Variants in NUMA1 observed in about 807,000 individuals in gnomAD.
NUMA1 encodes the protein nuclear mitotic apparatus protein 1.
NUMA1 carries 62 observed loss-of-function variants against 237.1 expected under a neutral mutation model. The observed-to-expected ratio is 0.26, with a 90% CI of 0.21 to 0.32. NUMA1 has a LOEUF of 0.32. NUMA1 is among the 10% of genes least tolerant of loss of function. The probability of loss-of-function intolerance (pLI) is 1.00; values close to 1 mark genes in which losing one functional copy is unlikely to be tolerated. For synonymous variants in NUMA1, 1,028 were observed against 1,066.1 expected (o/e 0.96, Z 0.70); for missense variants, 2,533 against 2,666.5 (o/e 0.95, Z 1.10).
rs770180185 is a variant in NUMA1 at position 72,022,380 on chromosome 11, T to G, written c.331A>C (p.Lys111Gln). ...LLLYHSTMSSKSPRDWEQFEY... is the reference protein window; with the variant it reads ...LLLYHSTMSSQSPRDWEQFEY... ...AACTGTTCCCAGTCCCTGGGACTTTTGGAGCTCATGGTAGAGTGGTATAAG... is the reference window on the plus strand; with the variant it reads ...AACTGTTCCCAGTCCCTGGGACTTTGGGAGCTCATGGTAGAGTGGTATAAG... Residue 111 changes from lysine to glutamine, a missense_variant, in exon 7 of 27, where the codon AAA (lysine) becomes CAA (glutamine). Physicochemically the swap from Lys to Gln is moderately conservative, Grantham distance 53. This residue lies in a region of NUMA1 where 1,414 missense variants were observed against 1,508.1 expected (regional missense o/e 0.94). Coordinates refer to ENST00000393695, the MANE Select transcript of NUMA1 (RefSeq NM_006185.4). 1 of 1,613,904 alleles carries G rather than the reference T, an allele frequency of 6.2e-7. No individual in the cohort carries two copies. The highest frequency in any genetic ancestry group is 1.1e-5 in the South Asian group (1 of 91,054).
At chr11:72,077,348 A>ACAAAC (rs1943756994) in intron 1 of NUMA1, among the ~76,000 whole-genome samples, 1 of 152,222 alleles carries the variant, frequency 6.6e-6, no homozygotes, top group African/African-American at 2.4e-5. Context: ...GACAGCAAAG[A>ACAAAC]AGATCTTAAA....
Position 72,013,882 on chromosome 11 carries a change from A to C in NUMA1, c.3621T>G (p.Asp1207Glu), listed in dbSNP as rs200440885. 1 of 1,613,586 alleles carries C rather than the reference A, an allele frequency of 6.2e-7. No individual in the cohort carries two copies. ...CCCGGGCCACCTGGGCCTTCCACTC[A>C]TCTTCAGCCTTGCTGTGGTCTTGTA... ...TKVQDHSKAE[D>E]EWKAQVARGR... The change falls in exon 15 of 27, where the codon GAT (aspartate) becomes GAG (glutamate). Residue 1207 changes from aspartate to glutamate, a missense_variant. Transcript: ENST00000393695. This position sits in a 1 kb window ranked among gnomAD's most constrained non-coding sequence, Gnocchi z 6.8.
intron 2 of NUMA1, among the ~76,000 whole-genome samples, chr11:72,036,468 G>A (rs1016471922): frequency 2.0e-5 from 3 of 152,222 alleles, no homozygotes; most frequent in African/African-American, 7.2e-5. Context: ...ATAGTACGGT[G>A]CCTGGCACAT....
rs114543390 is a variant in NUMA1, at chr11:72,016,822, T to G, written c.1120-292A>C. On this transcript the variant is annotated intron_variant, in intron 13 of 26. Transcript: ENST00000393695. ...CGTATACCCTTCCTCAGATAAGTCT[T>G]GAGTCCTAGATTATCCAAATCACCA... The G allele has an allele frequency of 5.9e-3, 2,011 of 342,826 alleles. 38 individuals are homozygous for G. The highest frequency in any genetic ancestry group is 0.04 in the African/African-American group (1,837 of 46,376). The allele number at this position is 342,826 out of a possible 1,614,324, so 21.2% of individuals were successfully genotyped here. A position where few individuals can be genotyped will look rare whatever the true frequency, so the allele number is the denominator to read the frequency against.
At chr11:72,049,583 A>ATATATAGT (rs71052844) in intron 2 of NUMA1, 5 of 22,556 alleles carry the variant, frequency 2.2e-4, no homozygotes, top group African/African-American at 5.2e-4. Flanking sequence ...ATATATATAT[A>ATATATAGT]GTGTGTGTGT....
intron 2 of NUMA1, among the ~76,000 whole-genome samples, chr11:72,057,470 G>A (rs546801330): frequency 7.2e-5 from 11 of 152,288 alleles, no homozygotes; most frequent in Admixed American, 6.5e-4. Flanking sequence ...AAAGCTGGGC[G>A]AGGTGGCTCA....
chr11:72,058,621 T>C (rs1201390996), intron 2 of NUMA1, among the ~76,000 whole-genome samples: 1 of 152,186 alleles, frequency 6.6e-6, no homozygotes, highest in Non-Finnish European at 1.5e-5. Flanking sequence ...TTGTCCCATG[T>C]TTTGATTACT....
At chr11:72,073,598 T>C (rs1943567571) in intron 1 of NUMA1, among the ~76,000 whole-genome samples, 1 of 152,188 alleles carries the variant, frequency 6.6e-6, no homozygotes, top group Admixed American at 6.5e-5. Flanking sequence ...TTTTCAAATA[T>C]ACGCATAGCT....
Position 72,013,081 on chromosome 11 carries a change from C to A in NUMA1, c.4422G>T (p.Glu1474Asp). The change falls in exon 15 of 27, where the codon GAG becomes GAT. Residue 1474 changes from glutamate to aspartate, a missense_variant. Glu to Asp is a conservative substitution (Grantham distance 45). This residue lies in a region of NUMA1 where 324 missense variants were observed against 407.6 expected (regional missense o/e 0.79). Transcript: ENST00000393695. This position sits in a 1 kb window ranked among gnomAD's most constrained non-coding sequence, Gnocchi z 6.8. ...CGGCTGCCAACTCTTGGACATACTT[C>A]TCCCGGGCCTGGTCCAACTCCACTT... ...FLEVELDQAR[E>D]KYVQELAAVR... The A allele has an allele frequency of 6.2e-7, 1 of 1,614,220 alleles. No homozygotes were observed.
At chr11:72,069,365 C>T (rs1943345202) in intron 2 of NUMA1, among the ~76,000 whole-genome samples, 2 of 152,146 alleles carry the variant, frequency 1.3e-5, no homozygotes, top group African/African-American at 4.8e-5. Context: ...GAAACCCAGA[C>T]ACCCAAACTC....
At chr11:72,018,635 G>A in intron 10 of NUMA1, 122 bp from the exon 11 acceptor site, 1 of 1,056,216 alleles carries the variant, frequency 9.5e-7, no homozygotes, top group South Asian at 1.5e-5. Context: ...GGAGGAATAT[G>A]GTATCCAATC....
At chr11:72,048,362 T>C (rs1051181661) in intron 2 of NUMA1, among the ~76,000 whole-genome samples, 2 of 89,142 alleles carry the variant, frequency 2.2e-5, no homozygotes, top group Admixed American at 2.3e-4. Context: ...GTGCTTTTCC[T>C]CATGAAAATC....
intron 2 of NUMA1, chr11:72,050,670 A>G (rs147613610): frequency 2.6e-5 from 4 of 152,334 alleles, no homozygotes; most frequent in Non-Finnish European, 5.9e-5. Flanking sequence ...ACCTGCCTCA[A>G]GGTCGACTGG....
At chr11:72,009,570 T>C (rs4477459) in intron 17 of NUMA1, among the ~76,000 whole-genome samples, 183 bp from the exon 18 acceptor site, 143,303 of 152,318 alleles carry the variant, frequency 0.94, 67,584 homozygotes, top group Non-Finnish European at 0.98. Flanking sequence ...GAAGCCCACA[T>C]GCCCTTCAGT....
chr11:72,010,641 G>A, intron 17 of NUMA1, 145 bp downstream of exon 17: 1 of 739,048 alleles, frequency 1.4e-6, no homozygotes, highest in Non-Finnish European at 2.3e-6. Context: ...ACATGCAGGG[G>A]CTTCTAAGCC....
chr11:72,065,776 A>T (rs1418449353), intron 2 of NUMA1: 1 of 152,244 alleles, frequency 6.6e-6, no homozygotes, highest in Non-Finnish European at 1.5e-5. Flanking sequence ...ACTAGCAAGA[A>T]GACTGTTCAT....
At chr11:72,010,652 A>G in intron 17 of NUMA1, 134 bp downstream of exon 17, 1 of 840,994 alleles carries the variant, frequency 1.2e-6, no homozygotes, top group Non-Finnish European at 1.9e-6. Context: ...CTTCTAAGCC[A>G]CAGGCTTCCT....
intron 5 of NUMA1, 24 bp downstream of exon 5, chr11:72,024,250 T>A: frequency 6.2e-7 from 1 of 1,609,638 alleles, no homozygotes; most frequent in African/African-American, 1.3e-5. Context: ...AGCTTCTTCA[T>A]AGCTGGATAA....
intron 2 of NUMA1, chr11:72,049,583 A>ATATATATATATATATATATATATATATT (rs71052844): frequency 1.3e-4 from 3 of 22,548 alleles, no homozygotes; most frequent in Non-Finnish European, 5.1e-4. Context: ...ATATATATAT[A>ATATATATATATATATATATATATATATT]GTGTGTGTGT....
Sources: allele counts gnomAD v4.1 joint callset (sites outside exome capture counted in the v4.1 genomes callset), GRCh38; gene constraint gnomAD v4.1.1; regional missense constraint gnomAD v4.1.1; non-coding constraint Gnocchi (gnomAD v3.1); transcripts MANE v1.5; gene names NCBI Gene and HGNC (gene_info 2026-07-23, HGNC 2026-07-21).